The following CFAP58 variants were observed in gnomAD, a reference collection of about 807,000 sequenced individuals.
The protein encoded by CFAP58 is cilia and flagella associated protein 58, also known as cilia- and flagella-associated protein 58.
In CFAP58, 88 loss-of-function variants were observed where a neutral mutation model predicts 119.5. The observed-to-expected ratio is 0.74, with a 90% confidence interval of 0.62 to 0.88. The LOEUF (loss-of-function observed/expected upper bound fraction) is 0.88, where lower values mean the gene tolerates loss of function less well. Ranked by LOEUF, CFAP58 falls within the 40% of genes least tolerant of loss-of-function variation. The probability of loss-of-function intolerance (pLI) is 0.00; values close to 1 mark genes in which losing one functional copy is unlikely to be tolerated. For synonymous variants in CFAP58, 365 were observed against 366.3 expected, an observed-to-expected ratio of 1.00 and a Z score of 0.04; for missense variants, 990 against 1,021.2, an observed-to-expected ratio of 0.97 and a Z score of 0.42.
rs79369142 is a variant in CFAP58 at position 104,361,779 on chromosome 10, G to A, written c.292-244G>A. Reference sequence around the variant, plus strand: ...CAGCTCACTGCAGCCTCAAATTCCCGGACTCAAGAGGTCTTCTTGCCTCGG... The same window carrying A: ...CAGCTCACTGCAGCCTCAAATTCCCAGACTCAAGAGGTCTTCTTGCCTCGG... On this transcript the variant is annotated intron_variant, in intron 2 of 17. Coordinates refer to ENST00000369704, the MANE Select transcript of CFAP58 (RefSeq NM_001008723.2). Among the ~76,000 whole-genome samples, 569 of 152,288 alleles carry A rather than the reference G, an allele frequency of 3.7e-3. 3 individuals carry two copies. The highest frequency in any genetic ancestry group is 0.013 in the African/African-American group (541 of 41,544).
Position 104,393,906 on chromosome 10 carries a change from T to C in CFAP58, c.1674+431T>C, listed in dbSNP as rs115220087. Among the ~76,000 whole-genome samples the C allele has an allele frequency of 3.2e-3, 492 of 152,322 alleles. 1 individual carries two copies. The highest frequency in any genetic ancestry group is 0.011 in the African/African-American group (473 of 41,558). ...CTGGGATGCTTTGTACCTCTGTTTT[T>C]TACTTTGTGTGCATGTGACGTTTCT... On this transcript the variant is annotated intron_variant, in intron 11 of 17. Coordinates refer to ENST00000369704, the MANE Select transcript of CFAP58 (RefSeq NM_001008723.2).
At chr10:104,376,333 T>G (rs1321457700) in intron 7 of CFAP58, among the ~76,000 whole-genome samples, 1 of 151,312 alleles carries the variant, frequency 6.6e-6, no homozygotes, top group Non-Finnish European at 1.5e-5. Flanking sequence ...TCACCTGTCT[T>G]TACTAAAAAT....
intron 1 of CFAP58, 34 bp from the exon 2 acceptor site, chr10:104,358,307 A>G (rs1249812817): frequency 6.3e-7 from 1 of 1,588,508 alleles, no homozygotes; most frequent in Non-Finnish European, 8.6e-7. Context: ...TAAATGTTGC[A>G]TTGCCCTTTC....
In CFAP58 at chr10:104,397,158, A is replaced by G. The variant is rs140869404; in HGVS notation, c.1675-2202A>G. ...GTGAATGTTGCACATCTGGGAAAAT[A>G]AAAGTTTTATTAAAGAAAGCATGAG... On this transcript the variant is annotated intron_variant, in intron 11 of 17. Transcript: ENST00000369704. Among the ~76,000 whole-genome samples, 282 of 152,346 alleles carry G rather than the reference A, an allele frequency of 1.9e-3. 2 individuals carry two copies. The highest frequency in any genetic ancestry group is 6.5e-3 in the African/African-American group (270 of 41,584).
At chr10:104,366,101 G>A in intron 5 of CFAP58, 93 bp downstream of exon 5, 1 of 1,159,166 alleles carries the variant, frequency 8.6e-7, no homozygotes, top group Non-Finnish European at 1.2e-6. Flanking sequence ...CTCTTGGAAA[G>A]CAGCAAATTC....
At position 104,382,305 on chromosome 10, in the gene CFAP58, C is replaced by T. The variant is rs2011827679; in HGVS notation, c.1365+2085C>T. 1.1e-5 allele frequency: 7 copies of T among 662,536 alleles called. No homozygotes were observed. In the South Asian group the frequency reaches 1.1e-4, roughly 11 times the overall value. The allele number at this position is 662,536 out of a possible 1,614,324, so 41.0% of individuals were successfully genotyped here. A position where few individuals can be genotyped will look rare whatever the true frequency, so the allele number is the denominator to read the frequency against. ...CATCCTGGGCAGGAGTGTGGTCCTCCTTAGGGAGGGGCCCTGTAGGGTGAG... is the reference window on the plus strand; with the variant it reads ...CATCCTGGGCAGGAGTGTGGTCCTCTTTAGGGAGGGGCCCTGTAGGGTGAG... On this transcript the variant is annotated intron_variant, in intron 9 of 17. Coordinates refer to ENST00000369704, the MANE Select transcript of CFAP58 (RefSeq NM_001008723.2).
chr10:104,430,467 C>T (rs116117179), intron 15 of CFAP58, among the ~76,000 whole-genome samples: 2,842 of 152,308 alleles, frequency 0.019, 89 homozygotes, highest in African/African-American at 0.064. Flanking sequence ...CTTTTGGAAA[C>T]GAATCTTCTT....
At chr10:104,364,694 A>C in intron 3 of CFAP58, 39 bp from the exon 4 acceptor site, 1 of 1,602,396 alleles carries the variant, frequency 6.2e-7, no homozygotes, top group African/African-American at 1.3e-5. Flanking sequence ...CCCTGAGCAG[A>C]TGGCCATTTA....
intron 3 of CFAP58, among the ~76,000 whole-genome samples, chr10:104,363,529 A>G (rs961517582): frequency 2.0e-5 from 3 of 152,214 alleles, no homozygotes; most frequent in Non-Finnish European, 1.5e-5. Flanking sequence ...AGTCAAGCAT[A>G]TTCAGAGCAA....
chr10:104,424,544 G>A (rs1019380201), intron 15 of CFAP58, among the ~76,000 whole-genome samples: 2 of 152,126 alleles, frequency 1.3e-5, no homozygotes, highest in African/African-American at 4.8e-5. Flanking sequence ...ATAGGACATG[G>A]TCCTTACCTG....
In CFAP58 at chr10:104,357,918, T is replaced by C. The variant is rs540609294; in HGVS notation, c.10-423T>C. On this transcript the variant is annotated intron_variant, in intron 1 of 17. Coordinates refer to ENST00000369704, the MANE Select transcript of CFAP58 (RefSeq NM_001008723.2). ...ATATATGTACACATATACACACATA[T>C]ATGTACACATATACACACATATATG... is the stretch of plus-strand genomic sequence containing the variant. 2.4e-4 allele frequency among the ~76,000 whole-genome samples: 28 copies of C among 118,548 alleles called. 1 individual carries two copies. Among genetic ancestry groups the C allele is most frequent in the African/African-American group, 3.2e-4 (7 of 21,770 alleles). 77.8% of individuals were successfully genotyped at this position (118,548 alleles called of 152,430 possible). A position where few individuals can be genotyped will look rare whatever the true frequency, so the allele number is the denominator to read the frequency against.
intron 15 of CFAP58, among the ~76,000 whole-genome samples, chr10:104,415,531 C>T (rs372311272): frequency 5.5e-4 from 83 of 152,262 alleles, no homozygotes; most frequent in African/African-American, 1.9e-3. Flanking sequence ...CGCTGACACC[C>T]ATGCGCCTGA....
intron 3 of CFAP58, among the ~76,000 whole-genome samples, chr10:104,363,351 C>T (rs1023662011): frequency 2.0e-5 from 3 of 152,182 alleles, no homozygotes; most frequent in African/African-American, 7.2e-5. Flanking sequence ...CTTGGGCAGC[C>T]AAGGAAATTA....
At chr10:104,441,940 AT>A (rs1350549644) in intron 15 of CFAP58, among the ~76,000 whole-genome samples, 1 of 152,080 alleles carries the variant, frequency 6.6e-6, no homozygotes, top group Non-Finnish European at 1.5e-5. Flanking sequence ...ATTAGGCATT[AT>A]TTTTTCTTTT....
At chr10:104,425,971 G>A (rs1221614785) in intron 15 of CFAP58, among the ~76,000 whole-genome samples, 3 of 152,172 alleles carry the variant, frequency 2.0e-5, no homozygotes, top group Non-Finnish European at 2.9e-5. Context: ...GCTGGCTCAT[G>A]CCTATAATCC....
At chr10:104,414,863 G>A (rs2012523403) in intron 15 of CFAP58, among the ~76,000 whole-genome samples, 1 of 151,990 alleles carries the variant, frequency 6.6e-6, no homozygotes, top group Non-Finnish European at 1.5e-5. Flanking sequence ...TGGTAGAGAC[G>A]GGGTTTCACC....
chr10:104,358,665 A>G (rs372869825), intron 2 of CFAP58, 43 bp downstream of exon 2: 35 of 1,568,938 alleles, frequency 2.2e-5, no homozygotes, highest in Non-Finnish European at 2.8e-5. Context: ...AATTTAAAAC[A>G]TCATTCTCTC....
intron 10 of CFAP58, among the ~76,000 whole-genome samples, 198 bp downstream of exon 10, chr10:104,392,592 G>A (rs974153411): frequency 6.6e-6 from 1 of 151,006 alleles, no homozygotes; most frequent in Non-Finnish European, 1.5e-5. Flanking sequence ...TGGAGATCAT[G>A]GTCCTACTTT....
At chr10:104,362,368 T>C (rs2014680001) in intron 3 of CFAP58, among the ~76,000 whole-genome samples, 197 bp downstream of exon 3, 1 of 152,202 alleles carries the variant, frequency 6.6e-6, no homozygotes, top group Admixed American at 6.6e-5. Flanking sequence ...AACTTCTAAT[T>C]TGTGGTTATC....
Sources: allele counts gnomAD v4.1 joint callset (sites outside exome capture counted in the v4.1 genomes callset), GRCh38; gene constraint gnomAD v4.1.1; transcripts MANE v1.5; gene names NCBI Gene and HGNC (gene_info 2026-07-23, HGNC 2026-07-21).